Variants in MAP4K1 observed in about 807,000 individuals in gnomAD.
MAP4K1 encodes the protein mitogen-activated protein kinase kinase kinase kinase 1, also known as MAPK/ERK kinase kinase kinase 1.
A neutral mutation model predicts 122.8 loss-of-function variants in MAP4K1; 35 were observed. The ratio of observed to expected loss-of-function variants is 0.29; its 90% CI spans 0.22 to 0.38. MAP4K1 has a LOEUF of 0.38. MAP4K1 is among the 10% of genes least tolerant of loss of function. MAP4K1 has a pLI of 1.00. For synonymous variants in MAP4K1, 412 were observed against 421.3 expected (o/e 0.98, Z 0.27); for missense variants, 791 against 1,072.6 (o/e 0.74, Z 3.67).
chr19:38,617,394 G>A lies in MAP4K1; in HGVS notation c.208C>T (p.Arg70Trp), dbSNP rs35079766. ...TGGTAGGCCACGATGTTGGCGTGCC[G>A]GCAAGTTTTCAATATGAGGATTTCC... The part of the protein sequence containing the change: ...QKEILILKTC[R>W]HANIVAYHGS... Residue 70 changes from arginine (R) to tryptophan (W), a missense_variant, in exon 3 of 31, where the codon CGG becomes TGG. Physicochemically the swap from Arg to Trp is moderately radical, Grantham distance 101. Around this residue, in one of 4 missense-constraint regions of MAP4K1, gnomAD observed 163 missense variants for 286.1 expected, o/e 0.57. Transcript: ENST00000396857. This position sits in a 1 kb window ranked among gnomAD's most constrained non-coding sequence, Gnocchi z 4.1. 1.8e-3 allele frequency: 2,977 copies of A among 1,613,870 alleles called. 9 individuals carry two copies. The highest frequency in any genetic ancestry group is 7.5e-3 in the South Asian group (681 of 91,058).
rs192896211 is a variant in MAP4K1 at position 38,589,519 on chromosome 19, G to A, written c.2397-1702C>T. Among the ~76,000 whole-genome samples the A allele has an allele frequency of 2.7e-3, 401 of 150,820 alleles. 1 individual carries two copies. The highest frequency in any genetic ancestry group is 9.1e-3 in the African/African-American group (376 of 41,222). On this transcript the variant is annotated intron_variant, in intron 30 of 30. Transcript: ENST00000396857. The stretch of plus-strand genomic sequence containing the variant: ...CAACCTCCGCCTCCCGGGTTCAAGC[G>A]CTTCTCCTGCCTCAGCCTCCCGAGT...
chr19:38,596,486 G>T lies in MAP4K1; in HGVS notation c.1942C>A (p.Gln648Lys). 1 of 1,550,260 alleles carries T rather than the reference G, an allele frequency of 6.5e-7. No homozygotes were observed. The highest frequency in any genetic ancestry group is 2.3e-5 in the East Asian group (1 of 43,164). Reference protein sequence around the residue: ...QPMNKFLLVRQVLFPLPTPLS... With the variant: ...QPMNKFLLVRKVLFPLPTPLS... ...GGCGTCGGCAGTGGGAACAGCACCT[G>T]CTGCGGGCCGCACAGGGAGGGGCGG... Residue 648 changes from glutamine (Q) to lysine (K), a missense_variant and splice_region_variant, in exon 26 of 31, where the codon CAG becomes AAG. By Grantham distance (53) the Gln-to-Lys change is moderately conservative. This residue lies in a region of MAP4K1 where 267 missense variants were observed against 323.0 expected (regional missense o/e 0.83). Coordinates refer to ENST00000396857, the MANE Select transcript of MAP4K1 (RefSeq NM_001042600.3).
chr19:38,606,259 A>C, intron 16 of MAP4K1, 44 bp from the exon 17 acceptor site: 1 of 1,027,396 alleles, frequency 9.7e-7, no homozygotes, highest in Non-Finnish European at 1.4e-6. Flanking sequence ...GCTGGGGAAC[A>C]AGGACTCGGG....
chr19:38,596,205 G>T, intron 26 of MAP4K1, 107 bp downstream of exon 26: 3 of 1,419,858 alleles, frequency 2.1e-6, no homozygotes, highest in Non-Finnish European at 2.8e-6. Flanking sequence ...CGCCCTTCCA[G>T]CCCTTTCTCA....
chr19:38,600,799 ATTTTT>A (rs560496607), intron 20 of MAP4K1, among the ~76,000 whole-genome samples: 93 of 90,960 alleles, frequency 1.0e-3, no homozygotes, highest in Middle Eastern at 8.6e-3. Context: ...CCCTCTACCC[ATTTTT>A]TTTTTTTTTT....
In MAP4K1 at chr19:38,596,357, C is replaced by A. The variant is rs1401534486; in HGVS notation, c.2071G>T (p.Val691Leu). 3.1e-6 allele frequency: 5 copies of A among 1,602,406 alleles called. No individual in the cohort carries two copies. Among genetic ancestry groups the A allele is most frequent in the Non-Finnish European group, 4.3e-6 (5 of 1,176,254 alleles). Residue 691 changes from valine (V) to leucine (L), a missense_variant, in exon 26 of 31, where the codon GTG becomes TTG. By Grantham distance (32) the Val-to-Leu change is conservative. Coordinates refer to ENST00000396857, the MANE Select transcript of MAP4K1 (RefSeq NM_001042600.3). ...RPGKSVLFHT[V>L]RFGALSCWLG... Reference sequence around the variant, plus strand: ...CAGCAAGAGAGCGCGCCAAAGCGCACCGTGTGGAAGAGCACCGACTTCCCC... The same window carrying A: ...CAGCAAGAGAGCGCGCCAAAGCGCAACGTGTGGAAGAGCACCGACTTCCCC...
chr19:38,602,585 CAT>C (rs973664124), intron 19 of MAP4K1, among the ~76,000 whole-genome samples: 110 of 145,936 alleles, frequency 7.5e-4, no homozygotes, highest in African/African-American at 2.6e-3. Context: ...TATATATACA[CAT>C]GTACATATAT....
At chr19:38,603,341 TATATACAC>T (rs1175620080) in intron 19 of MAP4K1, among the ~76,000 whole-genome samples, 21 of 150,702 alleles carry the variant, frequency 1.4e-4, no homozygotes, top group Admixed American at 5.3e-4. Context: ...CGCATATACA[TATATACAC>T]ATATACATAT....
chr19:38,602,459 TAC>T (rs1183303753), intron 19 of MAP4K1, among the ~76,000 whole-genome samples: 33 of 146,348 alleles, frequency 2.3e-4, no homozygotes, highest in Admixed American at 1.8e-3. Context: ...CATACATATA[TAC>T]ACACATATAC....
intron 8 of MAP4K1, among the ~76,000 whole-genome samples, chr19:38,613,324 C>T (rs200205228): frequency 1.6e-5 from 2 of 128,938 alleles, no homozygotes; most frequent in African/African-American, 5.8e-5. Flanking sequence ...AAAAAAAGAA[C>T]GAAAAAGAAA....
At chr19:38,603,405 C>CAT (rs750948286) in intron 19 of MAP4K1, among the ~76,000 whole-genome samples, 2 of 148,700 alleles carry the variant, frequency 1.3e-5, no homozygotes, top group East Asian at 2.2e-4. Context: ...TATGCATATA[C>CAT]ATATATATAC....
chr19:38,607,611 G>A (rs367942371), intron 16 of MAP4K1, among the ~76,000 whole-genome samples: 5 of 151,614 alleles, frequency 3.3e-5, no homozygotes, highest in East Asian at 1.9e-4. Context: ...AGGAAAGTGG[G>A]AGCTGGAGCT....
chr19:38,594,009 A>C (rs1035834703), intron 29 of MAP4K1, among the ~76,000 whole-genome samples: 1 of 152,228 alleles, frequency 6.6e-6, no homozygotes, highest in African/African-American at 2.4e-5. Flanking sequence ...AGGCACAGGA[A>C]GGTTAAGTCA....
intron 19 of MAP4K1, among the ~76,000 whole-genome samples, chr19:38,602,981 C>A (rs956290740): frequency 3.7e-5 from 5 of 134,262 alleles, no homozygotes; most frequent in Admixed American, 3.3e-4. Context: ...CATATATACG[C>A]ATATACATAT....
chr19:38,589,420 CT>C (rs933890014), intron 30 of MAP4K1: 447 of 145,320 alleles, frequency 3.1e-3, no homozygotes, highest in South Asian at 0.012. Flanking sequence ...AAAGATACTT[CT>C]TTTTTTTTTT....
At chr19:38,611,018 C>G (rs1344178049) in intron 11 of MAP4K1, 33 bp downstream of exon 11, 1 of 1,581,556 alleles carries the variant, frequency 6.3e-7, no homozygotes, top group Non-Finnish European at 8.7e-7. Context: ...CCAGGGAATC[C>G]TAGGCTGAGG....
In MAP4K1 at chr19:38,611,705, C is replaced by T. The variant is rs117660520; in HGVS notation, c.666-400G>A. ...TAAGGCAGGAGGATCATTTGAGCCCCGGCATTCAAGGCTGAAGTGAACTAC... is the reference window on the plus strand; with the variant it reads ...TAAGGCAGGAGGATCATTTGAGCCCTGGCATTCAAGGCTGAAGTGAACTAC... On this transcript the variant is annotated intron_variant, in intron 9 of 30. Coordinates refer to ENST00000396857, the MANE Select transcript of MAP4K1 (RefSeq NM_001042600.3). Among the ~76,000 whole-genome samples the T allele has an allele frequency of 2.2e-3, 335 of 152,220 alleles. 7 individuals carry two copies. In the South Asian group the frequency reaches 0.031, roughly 14 times the overall value.
chr19:38,609,196 G>A (rs758423401), intron 13 of MAP4K1, among the ~76,000 whole-genome samples: 23 of 151,962 alleles, frequency 1.5e-4, no homozygotes, highest in Admixed American at 2.6e-4. Flanking sequence ...GTGCAGTGGC[G>A]CAATCTTGGT....
rs17847692 is a variant in MAP4K1, at chr19:38,613,768, G to A, written c.533+112C>T. 2,535 of 793,924 alleles carry A rather than the reference G, an allele frequency of 3.2e-3. 40 individuals are homozygous for A. The highest frequency in any genetic ancestry group is 0.025 in the South Asian group (1,503 of 60,614). The allele number at this position is 793,924 out of a possible 1,614,324, so 49.2% of individuals were successfully genotyped here. A position where few individuals can be genotyped will look rare whatever the true frequency, so the allele number is the denominator to read the frequency against. On this transcript the variant is annotated intron_variant, in intron 8 of 30. Transcript: ENST00000396857. The stretch of plus-strand genomic sequence containing the variant: ...AGAGAGAATGAAAGAATCTTCCAAG[G>A]AGAAAGGACGAGGCAGGGGAACGGA...
Sources: gnomAD v4.1 joint callset for allele counts (sites outside exome capture counted in the v4.1 genomes callset) on GRCh38, gnomAD v4.1.1 for gene constraint, gnomAD v4.1.1 regional missense constraint, Gnocchi (gnomAD v3.1) non-coding constraint, MANE v1.5 for transcripts, NCBI Gene and HGNC (gene_info 2026-07-23, HGNC 2026-07-21) for gene names.